Variants in DSE observed in about 807,000 individuals in gnomAD.
The protein encoded by DSE is dermatan-sulfate epimerase.
In DSE, 36 loss-of-function variants were observed where a neutral mutation model predicts 84.4. The observed-to-expected ratio is 0.43, with a 90% CI of 0.33 to 0.56. DSE has a LOEUF of 0.56. Among genes scored for constraint, DSE ranks in the 20% least tolerant of loss-of-function variants. The probability of loss-of-function intolerance (pLI) is 0.06; values close to 1 mark genes in which losing one functional copy is unlikely to be tolerated. For missense variants in DSE, 862 were observed against 1,169.6 expected (o/e 0.74, Z 3.84); for synonymous variants, 410 against 430.1 (o/e 0.95, Z 0.58).
At chr6:116,389,011 T>C (rs376326517) in intron 1 of DSE, among the ~76,000 whole-genome samples, 2 of 152,314 alleles carry the variant, frequency 1.3e-5, no homozygotes, top group African/African-American at 4.8e-5. Context: ...AACAATGCAT[T>C]GTACATATTT....
At chr6:116,347,145 C>T (rs908020944) in intron 2 of DSE, among the ~76,000 whole-genome samples, 1 of 152,148 alleles carries the variant, frequency 6.6e-6, no homozygotes, top group African/African-American at 2.4e-5. Flanking sequence ...GAAGAACATT[C>T]CATGCTCATG....
At chr6:116,423,394 A>G (rs1364718721) in intron 2 of DSE, among the ~76,000 whole-genome samples, 1 of 152,144 alleles carries the variant, frequency 6.6e-6, no homozygotes, top group Non-Finnish European at 1.5e-5. Context: ...ATTTCTTCCT[A>G]TATAATAAAG....
chr6:116,422,679 A>G (rs1331088125), intron 2 of DSE, among the ~76,000 whole-genome samples: 1 of 152,222 alleles, frequency 6.6e-6, no homozygotes, highest in East Asian at 1.9e-4. Flanking sequence ...TAAAAATTAA[A>G]CAACAACAAC....
upstream of DSE, among the ~76,000 whole-genome samples, chr6:116,368,588 G>A (rs911482661): frequency 3.9e-5 from 6 of 152,186 alleles, no homozygotes; most frequent in African/African-American, 1.4e-4. Flanking sequence ...GTTTTATTTG[G>A]TAGATTGTAA....
At chr6:116,424,425 C>T (rs1008615516) in intron 2 of DSE, among the ~76,000 whole-genome samples, 1 of 152,146 alleles carries the variant, frequency 6.6e-6, no homozygotes, top group Non-Finnish European at 1.5e-5. Flanking sequence ...CACCAAACAC[C>T]GAATGGTAAC....
chr6:116,430,998 A>G lies in DSE; in HGVS notation c.715A>G (p.Ile239Val), dbSNP rs1391797779. ...CTTATGGACCAAACAAGTTCTGACC[A>G]TCATGGAGAAATCTCTGGTCTTGCT... is the stretch of plus-strand genomic sequence containing the variant. ...AYLWTKQVLT[I>V]MEKSLVLLRE... The change falls in exon 4 of 6, where the codon ATC becomes GTC. Residue 239 changes from isoleucine to valine, a missense_variant. Ile to Val is a conservative substitution (Grantham distance 29). Transcript: ENST00000644252. The G allele has an allele frequency of 1.9e-6, 3 of 1,614,016 alleles. No homozygotes were observed. The highest frequency in any genetic ancestry group is 2.7e-5 in the African/African-American group (2 of 74,926).
At chr6:116,427,216 G>A (rs1474151403) in intron 3 of DSE, among the ~76,000 whole-genome samples, 1 of 152,140 alleles carries the variant, frequency 6.6e-6, no homozygotes, top group Admixed American at 6.5e-5. Flanking sequence ...ACACAGATGT[G>A]AATCATAACA....
At chr6:116,362,481 A>G (rs761018531) in intron 2 of DSE, among the ~76,000 whole-genome samples, 2 of 152,334 alleles carry the variant, frequency 1.3e-5, no homozygotes, top group South Asian at 2.1e-4. Context: ...GTGGTGCCTT[A>G]TAAGAGGGAG....
chr6:116,368,309 G>C (rs1344723586), upstream of DSE, among the ~76,000 whole-genome samples: 1 of 152,212 alleles, frequency 6.6e-6, no homozygotes, highest in Non-Finnish European at 1.5e-5. Context: ...TTCATCAGTA[G>C]CATTCAAATC....
At chr6:116,318,520 A>G (rs78206898) in intron 2 of DSE, among the ~76,000 whole-genome samples, 829 of 8,652 alleles carry the variant, frequency 0.096, 11 homozygotes, top group African/African-American at 0.12. Flanking sequence ...AAAAAAAAAG[A>G]AAGAGAAGAA....
chr6:116,280,791 C>G (rs1009063014), intron 2 of DSE, among the ~76,000 whole-genome samples: 3 of 152,076 alleles, frequency 2.0e-5, no homozygotes, highest in Admixed American at 2.0e-4. Flanking sequence ...GTGGGGGGAG[C>G]CACATACCAC....
intron 2 of DSE, among the ~76,000 whole-genome samples, chr6:116,300,326 C>T (rs1442662032): frequency 6.6e-6 from 1 of 152,122 alleles, no homozygotes; most frequent in Non-Finnish European, 1.5e-5. Context: ...CTGATGAGTA[C>T]AATACTCATT....
At chr6:116,340,788 G>A (rs576285779) in intron 2 of DSE, among the ~76,000 whole-genome samples, 11 of 152,172 alleles carry the variant, frequency 7.2e-5, no homozygotes, top group Non-Finnish European at 1.3e-4. Flanking sequence ...GGTTTCCAGC[G>A]TCATCAATGT....
At chr6:116,391,830 C>T (rs979512802) in intron 1 of DSE, among the ~76,000 whole-genome samples, 3 of 150,734 alleles carry the variant, frequency 2.0e-5, no homozygotes, top group Admixed American at 6.6e-5. Context: ...AGTCCACGGG[C>T]TTTACACATC....
intron 2 of DSE, among the ~76,000 whole-genome samples, chr6:116,328,173 T>C (rs1452202361): frequency 6.6e-6 from 1 of 152,216 alleles, no homozygotes; most frequent in East Asian, 1.9e-4. Flanking sequence ...CAACCAAATT[T>C]GTCAATGAAA....
Position 116,435,689 on chromosome 6 carries a change from T to A in DSE, c.1221T>A (p.Pro407=), listed in dbSNP as rs140103226. The change falls in exon 6 of 6, where the codon CCT becomes CCA. Residue 407 remains proline (P), a synonymous_variant. Coordinates refer to ENST00000644252, the MANE Select transcript of DSE (RefSeq NM_013352.4). The part of the protein sequence containing the change: ...WGVVTYGSAL[P]AEINRSFLSF... ...TCGTGACTTATGGAAGTGCACTACCTGCAGAAATCAATAGATCTTTCCTTT... is the reference window on the plus strand; with the variant it reads ...TCGTGACTTATGGAAGTGCACTACCAGCAGAAATCAATAGATCTTTCCTTT... 2.9e-5 allele frequency: 47 copies of A among 1,614,040 alleles called. No individual in the cohort carries two copies. The African/African-American group carries it at 6.0e-4, about 21-fold the overall frequency.
At chr6:116,411,554 G>A (rs1782355095) in intron 2 of DSE, among the ~76,000 whole-genome samples, 3 of 152,154 alleles carry the variant, frequency 2.0e-5, no homozygotes, top group Admixed American at 1.3e-4. Context: ...AACTTAGTGA[G>A]CAATTTTTAG....
intron 2 of DSE, among the ~76,000 whole-genome samples, chr6:116,326,226 G>A (rs1174811111): frequency 1.3e-5 from 2 of 152,046 alleles, no homozygotes; most frequent in Non-Finnish European, 2.9e-5. Flanking sequence ...ATAGTAACCA[G>A]AAGACAGGCC....
chr6:116,259,498 C>T (rs926541763), intron 2 of DSE, among the ~76,000 whole-genome samples: 3 of 152,324 alleles, frequency 2.0e-5, no homozygotes, highest in South Asian at 4.1e-4. Flanking sequence ...TTATAAGACA[C>T]ATCTTTTTTC....
Sources: gnomAD v4.1 joint callset for allele counts (sites outside exome capture counted in the v4.1 genomes callset) on GRCh38, gnomAD v4.1.1 for gene constraint, MANE v1.5 for transcripts, NCBI Gene and HGNC (gene_info 2026-07-23, HGNC 2026-07-21) for gene names.